OPCML: variants seen among roughly 807,000 people sequenced by gnomAD.
OPCML encodes the protein opioid-binding protein/cell adhesion molecule.
In OPCML, 13 loss-of-function variants were observed where a neutral mutation model predicts 37.8. The ratio of observed to expected loss-of-function variants is 0.34; its 90% CI spans 0.22 to 0.55. The LOEUF (loss-of-function observed/expected upper bound fraction) is 0.55. Among genes scored for constraint, OPCML ranks in the 20% least tolerant of loss-of-function variants. The pLI is 0.91. For synonymous variants in OPCML, 176 were observed against 168.8 expected, an observed-to-expected ratio of 1.04 and a Z score of -0.33; for missense variants, 341 against 435.6, an observed-to-expected ratio of 0.78 and a Z score of 1.93.
intron 1 of OPCML, among the ~76,000 whole-genome samples, chr11:133,349,383 C>T (rs938316819): frequency 3.9e-5 from 6 of 152,166 alleles, no homozygotes; most frequent in Admixed American, 3.3e-4. Flanking sequence ...ATTCTCACCT[C>T]TTAATTTAAT....
intron 4 of OPCML, among the ~76,000 whole-genome samples, chr11:132,505,524 T>C (rs551254372): frequency 1.3e-5 from 2 of 151,950 alleles, no homozygotes; most frequent in Non-Finnish European, 2.9e-5. Flanking sequence ...GGGCAAAAGA[T>C]GGAAAAGAAT....
intron 2 of OPCML, among the ~76,000 whole-genome samples, chr11:132,717,695 G>C (rs1172330909): frequency 1.3e-5 from 2 of 152,148 alleles, no homozygotes; most frequent in Non-Finnish European, 2.9e-5. Flanking sequence ...AAAATAGAAA[G>C]AAAGGAAGAG....
At chr11:133,119,078 C>A (rs762706667) in intron 1 of OPCML, among the ~76,000 whole-genome samples, 2 of 152,052 alleles carry the variant, frequency 1.3e-5, no homozygotes, top group Non-Finnish European at 2.9e-5. Context: ...ATCATGCCAG[C>A]GCTTGGCAAG....
intron 2 of OPCML, among the ~76,000 whole-genome samples, chr11:132,673,815 G>A (rs201820532): frequency 1.3e-5 from 2 of 152,050 alleles, no homozygotes; most frequent in African/African-American, 2.4e-5. Flanking sequence ...CAGAATTGGG[G>A]CCAAAAACTG....
intron 3 of OPCML, among the ~76,000 whole-genome samples, chr11:132,591,586 T>C (rs950576773): frequency 1.3e-5 from 2 of 152,242 alleles, no homozygotes; most frequent in Admixed American, 6.5e-5. Context: ...TCCACTGTGC[T>C]GAGAAATTTT....
intron 2 of OPCML, among the ~76,000 whole-genome samples, chr11:132,832,393 AT>A (rs1341724514): frequency 2.6e-5 from 4 of 152,222 alleles, no homozygotes; most frequent in Non-Finnish European, 5.9e-5. Context: ...AAACTTTAGA[AT>A]CTTTCTCTGA....
intron 3 of OPCML, among the ~76,000 whole-genome samples, chr11:132,544,312 A>G (rs1302663274): frequency 6.6e-6 from 1 of 152,134 alleles, no homozygotes; most frequent in Non-Finnish European, 1.5e-5. Context: ...GAGGGGTCAG[A>G]TCTCCTTACT....
chr11:132,709,780 C>T (rs1944183178), intron 2 of OPCML, among the ~76,000 whole-genome samples: 1 of 152,262 alleles, frequency 6.6e-6, no homozygotes, highest in South Asian at 2.1e-4. Flanking sequence ...GGCACCAAGG[C>T]TTTATGATTT....
Position 133,164,754 on chromosome 11 carries a change from C to A in OPCML, c.62-221744G>T, listed in dbSNP as rs559619987. ...CTCCTAGACCCAAAGTCAGTAAAAG[C>A]AAGAGAATTATTCTTCTGCCTTCCC... On this transcript the variant is annotated intron_variant, in intron 1 of 7. Transcript: ENST00000524381. Among the ~76,000 whole-genome samples the A allele has an allele frequency of 2.0e-5, 3 of 152,314 alleles. No homozygotes were observed. In the East Asian group the frequency reaches 5.8e-4, roughly 29 times the overall value.
intron 2 of OPCML, among the ~76,000 whole-genome samples, chr11:132,707,694 G>C (rs1944091815): frequency 6.6e-6 from 1 of 152,120 alleles, no homozygotes; most frequent in African/African-American, 2.4e-5. Flanking sequence ...GGCCTTATGG[G>C]TATTTCACTT....
chr11:132,629,709 T>G (rs2135686247), intron 3 of OPCML, among the ~76,000 whole-genome samples: 1 of 152,324 alleles, frequency 6.6e-6, no homozygotes, highest in African/African-American at 2.4e-5. Context: ...TAGTTTATGA[T>G]ACTCTGTCAT....
chr11:133,389,466 G>C (rs34364938), intron 1 of OPCML, among the ~76,000 whole-genome samples: 56,437 of 151,890 alleles, frequency 0.37, 12,865 homozygotes, highest in African/African-American at 0.65. Flanking sequence ...TTTCCTTATA[G>C]AAAACATGCA....
At chr11:132,634,729 T>C (rs1940376108) in intron 3 of OPCML, among the ~76,000 whole-genome samples, 1 of 152,122 alleles carries the variant, frequency 6.6e-6, no homozygotes, top group African/African-American at 2.4e-5. Flanking sequence ...CCTACTGCCC[T>C]TGGAAGCCAA....
chr11:132,455,012 A>G (rs1399626286), intron 4 of OPCML, among the ~76,000 whole-genome samples: 1 of 152,202 alleles, frequency 6.6e-6, no homozygotes, highest in African/African-American at 2.4e-5. Context: ...GTATAAGACC[A>G]TTATAATAGA....
At chr11:133,014,928 A>G (rs1591912824) in intron 1 of OPCML, among the ~76,000 whole-genome samples, 2 of 152,188 alleles carry the variant, frequency 1.3e-5, no homozygotes, top group African/African-American at 4.8e-5. Flanking sequence ...CACAGACAGA[A>G]GAATAGAGGA....
chr11:132,845,366 C>A (rs972227374), intron 2 of OPCML, among the ~76,000 whole-genome samples: 1 of 152,166 alleles, frequency 6.6e-6, no homozygotes, highest in African/African-American at 2.4e-5. Flanking sequence ...TTAAGAAAAG[C>A]ATCTTTAGGG....
chr11:132,767,577 ATT>A (rs953083524), intron 2 of OPCML, among the ~76,000 whole-genome samples: 22 of 152,252 alleles, frequency 1.4e-4, no homozygotes, highest in African/African-American at 5.3e-4. Context: ...AGTCTATGCC[ATT>A]TGCTCCCTCT....
intron 1 of OPCML, chr11:133,422,441 T>C: frequency 1.0e-6 from 1 of 977,680 alleles, no homozygotes. Context: ...TCTATCATTG[T>C]GGAGAGGAGT....
intron 3 of OPCML, among the ~76,000 whole-genome samples, chr11:132,588,352 G>A (rs1385957508): frequency 1.3e-5 from 2 of 152,192 alleles, no homozygotes; most frequent in African/African-American, 4.8e-5. Flanking sequence ...AAGGCCAAGT[G>A]TCTAGACCAG....
Sources: allele counts gnomAD v4.1 joint callset (sites outside exome capture counted in the v4.1 genomes callset), GRCh38; gene constraint gnomAD v4.1.1; transcripts MANE v1.5; gene names NCBI Gene and HGNC (gene_info 2026-07-23, HGNC 2026-07-21).